Variants in GALM observed in about 807,000 individuals in gnomAD.
GALM encodes the protein galactose mutarotase.
GALM carries 43 observed loss-of-function variants against 37.4 expected under a neutral mutation model. The ratio of observed to expected loss-of-function variants is 1.15; its 90% confidence interval spans 0.90 to 1.48. The LOEUF is 1.48. Among genes scored for constraint, GALM ranks in the 40% most tolerant of loss-of-function variants. The pLI is 0.00. For synonymous variants in GALM, 199 were observed against 170.6 expected, an observed-to-expected ratio of 1.17 and a Z score of -1.30; for missense variants, 456 against 419.1, an observed-to-expected ratio of 1.09 and a Z score of -0.77.
chr2:38,707,270 G>A (rs931091276), intron 4 of GALM, among the ~76,000 whole-genome samples: 3 of 152,172 alleles, frequency 2.0e-5, no homozygotes, highest in Non-Finnish European at 4.4e-5. Flanking sequence ...GCATACATCA[G>A]CGTGTACTTT....
At chr2:38,714,515 A>T (rs184058361) in intron 4 of GALM, among the ~76,000 whole-genome samples, 3 of 152,240 alleles carry the variant, frequency 2.0e-5, no homozygotes, top group Admixed American at 2.0e-4. Flanking sequence ...GCCCGGCTGA[A>T]CTACACTTTG....
chr2:38,684,324 T>G (rs575343026), intron 3 of GALM, among the ~76,000 whole-genome samples: 12 of 152,326 alleles, frequency 7.9e-5, no homozygotes, highest in African/African-American at 2.9e-4. Flanking sequence ...TATTTTATTT[T>G]TCTGTTCCTT....
intron 4 of GALM, among the ~76,000 whole-genome samples, chr2:38,717,186 G>A (rs1171925148): frequency 2.0e-5 from 3 of 151,884 alleles, no homozygotes; most frequent in Non-Finnish European, 4.4e-5. Flanking sequence ...GGAGGCCGAG[G>A]TTGCAGTGAG....
In GALM at chr2:38,722,030, TCC is replaced by T. The variant is rs1491365976; in HGVS notation, c.635-7518_635-7517del. On this transcript the variant is annotated intron_variant, in intron 4 of 6. Coordinates refer to ENST00000272252, the MANE Select transcript of GALM (RefSeq NM_138801.3). Reference sequence around the variant, plus strand: ...GTCCCTCCCCAACTATGCCTTCCCTTCCCCCCCCCACCCCCCCCCCCCACCTA... The same window carrying T: ...GTCCCTCCCCAACTATGCCTTCCCTTCCCCCCCACCCCCCCCCCCCACCTA... Among the ~76,000 whole-genome samples the T allele has an allele frequency of 4.8e-5, 2 of 41,386 alleles. 1 individual carries two copies. The allele number at this position is 41,386 out of a possible 152,430, so 27.2% of individuals were successfully genotyped here. A position where few individuals can be genotyped will look rare whatever the true frequency, so the allele number is the denominator to read the frequency against.
intron 1 of GALM, among the ~76,000 whole-genome samples, chr2:38,666,811 G>A (rs1019279116): frequency 6.6e-6 from 1 of 152,108 alleles, no homozygotes; most frequent in African/African-American, 2.4e-5. Flanking sequence ...TTGAGGCCTG[G>A]TTGTCTCAGA....
At chr2:38,687,109 A>C (rs13006376) in intron 3 of GALM, among the ~76,000 whole-genome samples, 12,360 of 152,244 alleles carry the variant, frequency 0.081, 812 homozygotes, top group East Asian at 0.35. Flanking sequence ...GGGCCAAGGA[A>C]ATACAGTAGT....
intron 4 of GALM, among the ~76,000 whole-genome samples, chr2:38,708,111 T>TAAAATAAAATAAAATAAAATAAAATAAAA (rs1553383346): frequency 5.9e-5 from 8 of 135,642 alleles, no homozygotes; most frequent in Non-Finnish European, 1.1e-4. Context: ...TGTATCAAAA[T>TAAAATAAAATAAAATAAAATAAAATAAAA]TAAAATAAAA....
At chr2:38,691,654 C>G (rs1040068166) in intron 4 of GALM, among the ~76,000 whole-genome samples, 2 of 151,738 alleles carry the variant, frequency 1.3e-5, no homozygotes, top group African/African-American at 4.8e-5. Flanking sequence ...TGCACTCTAC[C>G]CTGGGCAACA....
intron 4 of GALM, among the ~76,000 whole-genome samples, chr2:38,709,367 T>C (rs537675062): frequency 1.3e-3 from 196 of 152,088 alleles, no homozygotes; most frequent in African/African-American, 4.4e-3. Flanking sequence ...GGATCTAAGA[T>C]GAAAAATACC....
At chr2:38,706,155 C>G (rs1666033250) in intron 4 of GALM, among the ~76,000 whole-genome samples, 1 of 151,958 alleles carries the variant, frequency 6.6e-6, no homozygotes, top group African/African-American at 2.4e-5. Context: ...CACGTGCCCG[C>G]CACCCTGCCC....
At chr2:38,698,446 C>A in intron 4 of GALM, 3 of 1,292,314 alleles carry the variant, frequency 2.3e-6, no homozygotes, top group Non-Finnish European at 3.1e-6. Flanking sequence ...GGTACACTGT[C>A]AGGCTGTGTT....
At chr2:38,733,245 C>A (rs1275621198) in intron 6 of GALM, among the ~76,000 whole-genome samples, 1 of 150,724 alleles carries the variant, frequency 6.6e-6, no homozygotes, top group Non-Finnish European at 1.5e-5. Flanking sequence ...AAAGCCTACA[C>A]CTTACACCAG....
intron 1 of GALM, chr2:38,669,205 C>G (rs970484060): frequency 3.9e-5 from 6 of 152,228 alleles, no homozygotes; most frequent in Non-Finnish European, 8.8e-5. Context: ...AGGCAGACAG[C>G]CCGGCACTAC....
At chr2:38,675,872 A>G (rs1572511819) in intron 1 of GALM, 40 bp from the exon 2 acceptor site, 1 of 1,608,630 alleles carries the variant, frequency 6.2e-7, no homozygotes, top group Non-Finnish European at 8.5e-7. Context: ...CCCAGCCTGA[A>G]TTGAAGTTTT....
At chr2:38,696,447 T>TTC (rs1461784050) in intron 4 of GALM, among the ~76,000 whole-genome samples, 1 of 150,858 alleles carries the variant, frequency 6.6e-6, no homozygotes, top group Non-Finnish European at 1.5e-5. Flanking sequence ...TTTTTTTTTT[T>TTC]TTTGAGACAG....
chr2:38,670,638 T>C (rs995124149), intron 1 of GALM, among the ~76,000 whole-genome samples: 1 of 152,226 alleles, frequency 6.6e-6, no homozygotes, highest in Non-Finnish European at 1.5e-5. Context: ...TGTCTAACCA[T>C]ATCTGACCAC....
At chr2:38,711,029 C>T (rs1666141129) in intron 4 of GALM, among the ~76,000 whole-genome samples, 1 of 152,116 alleles carries the variant, frequency 6.6e-6, no homozygotes, top group Non-Finnish European at 1.5e-5. Context: ...GCTGGGATTA[C>T]AGGCGTAAGC....
chr2:38,671,799 C>G (rs1665111136), intron 1 of GALM, among the ~76,000 whole-genome samples: 1 of 152,004 alleles, frequency 6.6e-6, no homozygotes, highest in Non-Finnish European at 1.5e-5. Context: ...CAAGACCAGC[C>G]TGGGCAACAC....
chr2:38,706,203 C>T (rs540244097), intron 4 of GALM, among the ~76,000 whole-genome samples: 2 of 151,726 alleles, frequency 1.3e-5, no homozygotes, highest in Admixed American at 6.6e-5. Flanking sequence ...CGAGGTTTCA[C>T]GATGTTGGCC....
Sources: allele counts gnomAD v4.1 joint callset (sites outside exome capture counted in the v4.1 genomes callset), GRCh38; gene constraint gnomAD v4.1.1; transcripts MANE v1.5; gene names NCBI Gene and HGNC (gene_info 2026-07-23, HGNC 2026-07-21).